PDE10A: variants seen among roughly 807,000 people sequenced by gnomAD.
PDE10A encodes phosphodiesterase 10A.
In PDE10A, 39 loss-of-function variants were observed where a neutral mutation model predicts 97.7. The ratio of observed to expected loss-of-function variants is 0.40; its 90% CI spans 0.31 to 0.52. The LOEUF (loss-of-function observed/expected upper bound fraction) is 0.52, where lower values mean the gene tolerates loss of function less well. Ranked by LOEUF, PDE10A falls within the 20% of genes least tolerant of loss-of-function variation. The probability of loss-of-function intolerance (pLI) is 0.56; values close to 1 mark genes in which losing one functional copy is unlikely to be tolerated. For missense variants in PDE10A, 731 were observed against 1,047.8 expected, an observed-to-expected ratio of 0.70 and a Z score of 4.17; for synonymous variants, 371 against 376.8, an observed-to-expected ratio of 0.98 and a Z score of 0.18.
chr6:165,522,389 GA>G (rs1295573655), intron 2 of PDE10A, among the ~76,000 whole-genome samples: 1 of 152,024 alleles, frequency 6.6e-6, no homozygotes, highest in Non-Finnish European at 1.5e-5. Context: ...AACATAGATG[GA>G]AAAATCCTCA....
chr6:165,581,395 TGAGA>T (rs963765530), intron 1 of PDE10A, among the ~76,000 whole-genome samples: 2 of 152,130 alleles, frequency 1.3e-5, no homozygotes, highest in African/African-American at 4.8e-5. Context: ...TCACAAGAGC[TGAGA>T]GAGAGATTCA....
At chr6:165,857,999 T>G (rs926158840) in intron 1 of PDE10A, among the ~76,000 whole-genome samples, 4 of 152,226 alleles carry the variant, frequency 2.6e-5, no homozygotes, top group Admixed American at 1.3e-4. Context: ...TTGTCCTGTT[T>G]GTTTGGAAAT....
chr6:165,691,804 C>T (rs1396523914), intron 1 of PDE10A, among the ~76,000 whole-genome samples: 5 of 152,218 alleles, frequency 3.3e-5, no homozygotes, highest in South Asian at 4.1e-4. Context: ...AGCCTGGCTG[C>T]GTGTCCTGTG....
intron 1 of PDE10A, among the ~76,000 whole-genome samples, chr6:165,895,875 TC>T (rs1421950262): frequency 6.6e-6 from 1 of 152,140 alleles, no homozygotes; most frequent in East Asian, 1.9e-4. Flanking sequence ...CCTCCCCTGG[TC>T]CTGGCTTCTG....
intron 3 of PDE10A, among the ~76,000 whole-genome samples, chr6:165,463,663 T>G (rs1038015843): frequency 1.1e-4 from 16 of 148,544 alleles, no homozygotes; most frequent in Admixed American, 9.8e-4. Context: ...AAGGGGGACA[T>G]GTTGGGAATA....
chr6:165,529,837 C>T (rs1333960174), intron 2 of PDE10A, among the ~76,000 whole-genome samples: 2 of 152,012 alleles, frequency 1.3e-5, no homozygotes, highest in Admixed American at 1.3e-4. Flanking sequence ...TGCCTATGAT[C>T]GCAGGAGACG....
At chr6:165,603,115 T>C (rs1304908783) in intron 1 of PDE10A, among the ~76,000 whole-genome samples, 2 of 152,166 alleles carry the variant, frequency 1.3e-5, no homozygotes, top group Admixed American at 6.5e-5. Flanking sequence ...TTCAAATATA[T>C]CTGAAACCAA....
At chr6:165,382,712 A>G (rs1785012278) in intron 17 of PDE10A, among the ~76,000 whole-genome samples, 1 of 146,424 alleles carries the variant, frequency 6.8e-6, no homozygotes, top group South Asian at 2.2e-4. Flanking sequence ...ACATGATAAA[A>G]CGATTACTAT....
At chr6:165,645,274 C>T (rs73786700) in intron 1 of PDE10A, among the ~76,000 whole-genome samples, 13,859 of 152,228 alleles carry the variant, frequency 0.091, 785 homozygotes, top group African/African-American at 0.17. Context: ...GAACCAGTAA[C>T]TCGCCTTTTA....
intron 1 of PDE10A, chr6:165,660,783 G>A (rs112662881): frequency 6.6e-6 from 1 of 152,320 alleles, no homozygotes; most frequent in South Asian, 2.1e-4. Context: ...GCGAGGCGCA[G>A]ACAAAGGCTC....
intron 18 of PDE10A, among the ~76,000 whole-genome samples, chr6:165,349,990 G>C (rs1456240236): frequency 1.3e-5 from 2 of 152,230 alleles, no homozygotes; most frequent in African/African-American, 2.4e-5. Context: ...AGCCCTCATG[G>C]AGAACCCTGC....
Position 165,431,450 on chromosome 6 carries a change from C to A in PDE10A, c.1514G>T (p.Trp505Leu). 1 of 1,598,770 alleles carries A rather than the reference C, an allele frequency of 6.3e-7. No individual in the cohort carries two copies. The highest frequency in any genetic ancestry group is 2.3e-5 in the East Asian group (1 of 44,440). Residue 505 changes from tryptophan to leucine, a missense_variant, in exon 8 of 22, where the codon TGG becomes TTG. Transcript: ENST00000539869. ...CACCTGATGTATTGCTACTGAAGCC[C>A]AGGCAAGATTTGCTGTTGCAACCTA... ...HQEVATANLA[W>L]ASVAIHQVQV...
rs1271965469 is a variant in PDE10A, at chr6:165,671,308, A to T, written c.-614-127740T>A. On this transcript the variant is annotated intron_variant, in intron 1 of 19. Transcript: ENST00000366882. The surrounding 1 kb of genome is among the most constrained non-coding windows in gnomAD (Gnocchi z 4.6). ...TCTCCCTGAAACAGGTAAACTTGGT[A>T]ATTTTATTATTTTGGGAATATAGTA... is the stretch of plus-strand genomic sequence containing the variant. 1.3e-5 allele frequency among the ~76,000 whole-genome samples: 2 copies of T among 152,082 alleles called. No homozygotes were observed. Among genetic ancestry groups the T allele is most frequent in the African/African-American group, 2.4e-5 (1 of 41,414 alleles).
intron 1 of PDE10A, among the ~76,000 whole-genome samples, chr6:165,765,243 G>A (rs1777801255): frequency 6.6e-6 from 1 of 152,262 alleles, no homozygotes; most frequent in Non-Finnish European, 1.5e-5. Flanking sequence ...CCCGCACGGG[G>A]GCTGCAGGTG....
At chr6:165,806,832 T>C (rs967851790) in intron 1 of PDE10A, among the ~76,000 whole-genome samples, 8 of 152,336 alleles carry the variant, frequency 5.3e-5, no homozygotes, top group African/African-American at 1.9e-4. Context: ...ACTTCAGGTA[T>C]TGGGGTTCAT....
chr6:165,543,748 A>T (rs1462715938), intron 1 of PDE10A, among the ~76,000 whole-genome samples, 180 bp from the exon 2 acceptor site: 3 of 152,194 alleles, frequency 2.0e-5, no homozygotes, highest in Non-Finnish European at 4.4e-5. Flanking sequence ...ACTGGGAGTG[A>T]CAGCAAAGTT....
intron 1 of PDE10A, among the ~76,000 whole-genome samples, chr6:165,607,724 T>C (rs1787279036): frequency 6.6e-6 from 1 of 152,100 alleles, no homozygotes. Context: ...TCCAAATGAG[T>C]TGGATAACAT....
At chr6:165,544,834 CA>C (rs200286487) in intron 1 of PDE10A, among the ~76,000 whole-genome samples, 3,532 of 152,044 alleles carry the variant, frequency 0.023, 56 homozygotes, top group Non-Finnish European at 0.025. Flanking sequence ...CACACACACA[CA>C]CACACATATA....
chr6:165,737,906 A>G (rs886627380), intron 1 of PDE10A, among the ~76,000 whole-genome samples: 1 of 152,200 alleles, frequency 6.6e-6, no homozygotes, highest in Non-Finnish European at 1.5e-5. Context: ...AGAAAACCCT[A>G]AAGACTATAC....
Sources: gnomAD v4.1 joint callset for allele counts (sites outside exome capture counted in the v4.1 genomes callset) on GRCh38, gnomAD v4.1.1 for gene constraint, Gnocchi (gnomAD v3.1) non-coding constraint, MANE v1.5 for transcripts, NCBI Gene and HGNC (gene_info 2026-07-23, HGNC 2026-07-21) for gene names.